IPO9: variants seen among roughly 807,000 people sequenced by gnomAD.
IPO9 encodes importin-9.
IPO9 carries 28 observed loss-of-function variants against 128.6 expected under a neutral mutation model. The observed-to-expected ratio is 0.22, with a 90% CI of 0.16 to 0.30. IPO9 has a LOEUF of 0.30. IPO9 is among the 10% of genes least tolerant of loss of function. The pLI is 1.00. For missense variants in IPO9, 935 were observed against 1,293.9 expected, an observed-to-expected ratio of 0.72 and a Z score of 4.26; for synonymous variants, 455 against 475.8, an observed-to-expected ratio of 0.96 and a Z score of 0.57.
intron 4 of IPO9, 115 bp downstream of exon 4, chr1:201,848,709 C>T: frequency 1.0e-6 from 1 of 975,200 alleles, no homozygotes; most frequent in Non-Finnish European, 1.6e-6. Flanking sequence ...TGATGTTATT[C>T]CTCCCTCCTA....
intron 4 of IPO9, among the ~76,000 whole-genome samples, chr1:201,849,631 A>G (rs954286330): frequency 1.3e-5 from 2 of 152,226 alleles, no homozygotes; most frequent in African/African-American, 4.8e-5. Context: ...TTGCTAGTCC[A>G]TGTGATGTTA....
chr1:201,847,605 A>G lies in IPO9; in HGVS notation c.279A>G (p.Ser93=). The change falls in exon 3 of 24, where the codon TCA becomes TCG. Residue 93 remains serine (S), a synonymous_variant. Transcript: ENST00000361565. Reference sequence around the variant, plus strand: ...TGGAGACTCACTGGTGTGCCCAATCAGAGAAATTTAGGCCTCCTGAAACTA... The same window carrying G: ...TGGAGACTCACTGGTGTGCCCAATCGGAGAAATTTAGGCCTCCTGAAACTA... ...QYVETHWCAQ[S]EKFRPPETTE... is the part of the protein sequence containing the mutation. 6.2e-7 allele frequency: 1 copy of G among 1,614,008 alleles called. No homozygotes were observed. The highest frequency in any genetic ancestry group is 1.1e-5 in the South Asian group (1 of 91,088).
At position 201,878,874 on chromosome 1, in the gene IPO9, G is replaced by C. The variant is rs542451221; in HGVS notation, c.*2820G>C. ...TTTGTCTCCTGTCTTTGGCCAAAGA[G>C]AACTAGCTTCAGTCTGAAAAGGGCA... On this transcript the variant is annotated 3_prime_UTR_variant, in exon 24 of 24. Coordinates refer to ENST00000361565, the MANE Select transcript of IPO9 (RefSeq NM_018085.5). The C allele has an allele frequency of 1.3e-5, 2 of 152,306 alleles. No individual in the cohort carries two copies. The highest frequency in any genetic ancestry group is 2.1e-4 in the South Asian group (1 of 4,830). 9.4% of individuals were successfully genotyped at this position (152,306 alleles called of 1,614,324 possible). A position where few individuals can be genotyped will look rare whatever the true frequency, so the allele number is the denominator to read the frequency against.
intron 13 of IPO9, among the ~76,000 whole-genome samples, chr1:201,859,667 A>C (rs1444813763): frequency 6.6e-6 from 1 of 152,330 alleles, no homozygotes. Flanking sequence ...TGTCTTAAAA[A>C]GAAAAAAGTA....
At chr1:201,857,062 G>A in intron 10 of IPO9, 34 bp from the exon 11 acceptor site, 1 of 1,228,532 alleles carries the variant, frequency 8.1e-7, no homozygotes, top group Non-Finnish European at 1.2e-6. Context: ...AATCAGATTG[G>A]CAGCATCACA....
chr1:201,838,568 G>A (rs1022138150), intron 1 of IPO9, among the ~76,000 whole-genome samples: 1 of 152,064 alleles, frequency 6.6e-6, no homozygotes. Flanking sequence ...ATCTGTAGGG[G>A]GATTGTGCAA....
At chr1:201,840,306 A>G (rs1044233684) in intron 1 of IPO9, among the ~76,000 whole-genome samples, 1 of 152,214 alleles carries the variant, frequency 6.6e-6, no homozygotes, top group Non-Finnish European at 1.5e-5. Context: ...CCTGGGCTCA[A>G]GTGATCTGCT....
In IPO9 at chr1:201,870,438, C is replaced by A; in HGVS notation, c.2134-145C>A. 1.2e-6 allele frequency: 1 copy of A among 809,008 alleles called. No individual in the cohort carries two copies. The highest frequency in any genetic ancestry group is 1.9e-6 in the Non-Finnish European group (1 of 529,164). The allele number at this position is 809,008 out of a possible 1,614,324, so 50.1% of individuals were successfully genotyped here. ...TCTGTAACAGTAAATGTCTTAACTC[C>A]AGTGGTATGAGCCCACCACAAACAT... On this transcript the variant is annotated intron_variant, in intron 17 of 23. Coordinates refer to ENST00000361565, the MANE Select transcript of IPO9 (RefSeq NM_018085.5). This position sits in a 1 kb window ranked among gnomAD's most constrained non-coding sequence, Gnocchi z 4.9.
chr1:201,831,602 A>T (rs781713144), intron 1 of IPO9, among the ~76,000 whole-genome samples: 4 of 152,136 alleles, frequency 2.6e-5, no homozygotes, highest in African/African-American at 4.8e-5. Context: ...GTTATCTTTG[A>T]CATTGGGTTC....
intron 1 of IPO9, among the ~76,000 whole-genome samples, chr1:201,836,594 A>G (rs779699406): frequency 1.3e-5 from 2 of 151,478 alleles, no homozygotes; most frequent in African/African-American, 4.9e-5. Flanking sequence ...CATCAACATC[A>G]TACTCCTTGG....
At chr1:201,832,755 A>C (rs1679861631) in intron 1 of IPO9, among the ~76,000 whole-genome samples, 1 of 152,178 alleles carries the variant, frequency 6.6e-6, no homozygotes, top group African/African-American at 2.4e-5. Context: ...ATCACATAGG[A>C]GACTGATCCC....
intron 1 of IPO9, among the ~76,000 whole-genome samples, chr1:201,836,689 T>C (rs573789054): frequency 2.6e-5 from 4 of 152,358 alleles, no homozygotes; most frequent in African/African-American, 9.6e-5. Flanking sequence ...CTTGTATTTC[T>C]AGTAGGTATG....
intron 13 of IPO9, among the ~76,000 whole-genome samples, chr1:201,859,522 AAGTCCAGAATGCCCTCAGGCATTCTG>A (rs1680401706): frequency 6.6e-6 from 1 of 152,080 alleles, no homozygotes; most frequent in Non-Finnish European, 1.5e-5. Context: ...TCCCATTGTT[AAGTCCAGAATGCCCTCAGGCATTCTG>A]TATCAGGCAC....
chr1:201,852,153 C>T lies in IPO9; in HGVS notation c.564C>T (p.Val188=). The part of the protein sequence containing the change: ...TDTQMPLVAP[V]ILPEMYKIFT... ...CACAGATGCCACTTGTTGCTCCTGT[C>T]ATTCTCCCAGAGATGTATAAGATCT... is the stretch of plus-strand genomic sequence containing the variant. The change falls in exon 5 of 24, where the codon GTC becomes GTT. Residue 188 remains valine (V), a synonymous_variant. Coordinates refer to ENST00000361565, the MANE Select transcript of IPO9 (RefSeq NM_018085.5). 1 of 1,613,140 alleles carries T rather than the reference C, an allele frequency of 6.2e-7. No homozygotes were observed. The highest frequency in any genetic ancestry group is 1.1e-5 in the South Asian group (1 of 91,054).
intron 14 of IPO9, among the ~76,000 whole-genome samples, chr1:201,864,638 T>C (rs1680516328): frequency 6.6e-6 from 1 of 152,176 alleles, no homozygotes; most frequent in Admixed American, 6.5e-5. Context: ...GAGAGGAGTT[T>C]GGTATGAATG....
At position 201,852,575 on chromosome 1, in the gene IPO9, G is replaced by T. The variant is rs142294004; in HGVS notation, c.603+383G>T. On this transcript the variant is annotated intron_variant, in intron 5 of 23. Transcript: ENST00000361565. ...GCACATAATAGACCCTTAATATATTGCATATATATTTGATTAGTGTGTATA... is the reference window on the plus strand; with the variant it reads ...GCACATAATAGACCCTTAATATATTTCATATATATTTGATTAGTGTGTATA... 4.1e-3 allele frequency among the ~76,000 whole-genome samples: 623 copies of T among 152,076 alleles called. 3 individuals are homozygous for T. The highest frequency in any genetic ancestry group is 0.037 in the Middle Eastern group (11 of 294).
At chr1:201,841,113 A>G (rs1046427850) in intron 1 of IPO9, among the ~76,000 whole-genome samples, 1 of 152,228 alleles carries the variant, frequency 6.6e-6, no homozygotes, top group Admixed American at 6.5e-5. Context: ...CAGAAGTAGT[A>G]ACAAATGAAC....
intron 13 of IPO9, among the ~76,000 whole-genome samples, chr1:201,861,126 AGT>A (rs200157491): frequency 0.014 from 2,076 of 152,318 alleles, 43 homozygotes; most frequent in African/African-American, 0.045. Flanking sequence ...AGATTGTGCC[AGT>A]GCGCTCCAGC....
At chr1:201,830,303 C>T (rs377180260) in intron 1 of IPO9, among the ~76,000 whole-genome samples, 68 of 152,316 alleles carry the variant, frequency 4.5e-4, no homozygotes, top group African/African-American at 1.5e-3. Context: ...TTAAATACTT[C>T]ATCAGAGATA....
Sources: allele counts gnomAD v4.1 joint callset (sites outside exome capture counted in the v4.1 genomes callset), GRCh38; gene constraint gnomAD v4.1.1; non-coding constraint Gnocchi (gnomAD v3.1); transcripts MANE v1.5; gene names NCBI Gene and HGNC (gene_info 2026-07-23, HGNC 2026-07-21).